The following NKAIN3 variants were observed in gnomAD, a reference collection of about 807,000 sequenced individuals.
NKAIN3 encodes the protein sodium/potassium transporting ATPase interacting 3.
A neutral mutation model predicts 30.2 loss-of-function variants in NKAIN3; 25 were observed. The observed-to-expected ratio is 0.83, with a 90% CI of 0.60 to 1.16. The LOEUF (loss-of-function observed/expected upper bound fraction) is 1.16, where lower values mean the gene tolerates loss of function less well. NKAIN3 is among the 50% of genes most tolerant of loss of function. NKAIN3 has a pLI of 0.00. For missense variants in NKAIN3, 225 were observed against 254.1 expected, an observed-to-expected ratio of 0.89 and a Z score of 0.78; for synonymous variants, 91 against 89.6, an observed-to-expected ratio of 1.02 and a Z score of -0.09.
rs2130910751 is a variant in NKAIN3, at chr8:62,967,228, G to A, written c.*1821G>A. On this transcript the variant is annotated 3_prime_UTR_variant, in exon 7 of 7. Transcript: ENST00000623646. ...TCCAGAGCCTGTATCTGTACACAGG[G>A]GCAAGAGCCATAGCCAGTGGACAGA... is the stretch of plus-strand genomic sequence containing the variant. Among the ~76,000 whole-genome samples, 1 of 152,226 alleles carries A rather than the reference G, an allele frequency of 6.6e-6. No individual in the cohort carries two copies. Among genetic ancestry groups the A allele is most frequent in the African/African-American group, 2.4e-5 (1 of 41,534 alleles).
chr8:62,468,218 A>G (rs746986573), intron 1 of NKAIN3, among the ~76,000 whole-genome samples: 2 of 152,232 alleles, frequency 1.3e-5, no homozygotes, highest in Non-Finnish European at 2.9e-5. Context: ...CTAATGCAAC[A>G]ATAATGTTAA....
At chr8:62,759,250 A>C (rs1390268342) in intron 4 of NKAIN3, among the ~76,000 whole-genome samples, 3 of 152,160 alleles carry the variant, frequency 2.0e-5, no homozygotes. Context: ...TGTTCTGGAG[A>C]TCTAAATAAA....
chr8:62,831,809 T>C (rs973340198), intron 4 of NKAIN3, among the ~76,000 whole-genome samples: 18 of 152,132 alleles, frequency 1.2e-4, no homozygotes, highest in Non-Finnish European at 2.5e-4. Context: ...AATAATTCAA[T>C]AAAATTTCCT....
At chr8:62,861,591 C>T (rs1448183515) in intron 4 of NKAIN3, among the ~76,000 whole-genome samples, 2 of 152,176 alleles carry the variant, frequency 1.3e-5, no homozygotes, top group African/African-American at 4.8e-5. Flanking sequence ...ACACAGAAAT[C>T]CCAGGACTTT....
chr8:62,558,664 G>GT (rs142581960), intron 1 of NKAIN3, among the ~76,000 whole-genome samples: 5 of 151,614 alleles, frequency 3.3e-5, no homozygotes, highest in Admixed American at 1.3e-4. Flanking sequence ...TTTCTCTATT[G>GT]TTTTTTTGTT....
rs779856187 is a variant in NKAIN3 at position 62,966,112 on chromosome 8, G to A, written c.*705G>A. ...CCTTTCCCCTTTGGAGGGAATATGG[G>A]TGTCTCTGAGGTCCATATTTTCTAC... On this transcript the variant is annotated 3_prime_UTR_variant, in exon 7 of 7. Transcript: ENST00000623646. 18 of 984,510 alleles carry A rather than the reference G, an allele frequency of 1.8e-5. No homozygotes were observed. Among genetic ancestry groups the A allele is most frequent in the Non-Finnish European group, 2.2e-5 (18 of 829,130 alleles). 61.0% of individuals were successfully genotyped at this position (984,510 alleles called of 1,614,324 possible).
intron 1 of NKAIN3, among the ~76,000 whole-genome samples, chr8:62,568,343 G>T (rs1809820783): frequency 6.6e-6 from 1 of 152,094 alleles, no homozygotes; most frequent in Non-Finnish European, 1.5e-5. Flanking sequence ...CATCAGATTA[G>T]ATTAATAAAT....
chr8:62,478,967 T>G (rs1173931554), intron 1 of NKAIN3, among the ~76,000 whole-genome samples: 1 of 152,158 alleles, frequency 6.6e-6, no homozygotes, highest in Non-Finnish European at 1.5e-5. Context: ...TGTAGAGCTC[T>G]CAGCATAAAG....
At chr8:62,629,772 C>T (rs966705664) in intron 3 of NKAIN3, among the ~76,000 whole-genome samples, 1 of 152,108 alleles carries the variant, frequency 6.6e-6, no homozygotes, top group Non-Finnish European at 1.5e-5. Flanking sequence ...CTTTTTTAGA[C>T]TGGTAAATAC....
At chr8:62,724,569 A>G (rs948523744) in intron 3 of NKAIN3, among the ~76,000 whole-genome samples, 6 of 152,048 alleles carry the variant, frequency 3.9e-5, no homozygotes, top group Non-Finnish European at 7.4e-5. Flanking sequence ...ATTCTACTCT[A>G]TATCCTAATG....
rs548502455 is a variant in NKAIN3 at position 62,438,100 on chromosome 8, C to T, written c.55-141439C>T. ...TGGGTCCCATGAGCAATGCGCAGAGCGGGGCAGCTGTGCAGCTTCCAAGAG... is the reference window on the plus strand; with the variant it reads ...TGGGTCCCATGAGCAATGCGCAGAGTGGGGCAGCTGTGCAGCTTCCAAGAG... On this transcript the variant is annotated intron_variant, in intron 1 of 6. Coordinates refer to ENST00000623646, the MANE Select transcript of NKAIN3 (RefSeq NM_001304533.3). Among the ~76,000 whole-genome samples the T allele has an allele frequency of 2.0e-5, 3 of 152,278 alleles. No homozygotes were observed. The East Asian group carries it at 5.8e-4, about 29-fold the overall frequency.
At chr8:62,622,620 T>C (rs1429623772) in intron 3 of NKAIN3, among the ~76,000 whole-genome samples, 3 of 152,106 alleles carry the variant, frequency 2.0e-5, no homozygotes, top group African/African-American at 7.2e-5. Flanking sequence ...AATTGGATTA[T>C]TTGGTTCTTT....
chr8:62,767,546 T>A (rs1005019935), intron 4 of NKAIN3, among the ~76,000 whole-genome samples: 3 of 152,204 alleles, frequency 2.0e-5, no homozygotes, highest in Non-Finnish European at 4.4e-5. Context: ...ACTCTTTTTT[T>A]TTTCTTAAAT....
rs564919833 is a variant in NKAIN3 at position 62,923,316 on chromosome 8, C to T, written c.532+4803C>T. 9.0e-4 allele frequency among the ~76,000 whole-genome samples: 137 copies of T among 151,500 alleles called. 1 individual carries two copies. In the South Asian group the frequency reaches 0.017, roughly 19 times the overall value. On this transcript the variant is annotated intron_variant, in intron 5 of 6. Coordinates refer to ENST00000623646, the MANE Select transcript of NKAIN3 (RefSeq NM_001304533.3). Reference sequence around the variant, plus strand: ...CTCCAGCCTGGCTGACAGAGGGAGACGCTGTCTCAAAAAAAAAATAAGAAA... The same window carrying T: ...CTCCAGCCTGGCTGACAGAGGGAGATGCTGTCTCAAAAAAAAAATAAGAAA...
At chr8:62,868,358 G>A (rs976269188) in intron 4 of NKAIN3, among the ~76,000 whole-genome samples, 1 of 110,680 alleles carries the variant, frequency 9.0e-6, no homozygotes, top group African/African-American at 3.6e-5. Flanking sequence ...TTTTTTCCTT[G>A]TGACCTGGTA....
intron 4 of NKAIN3, among the ~76,000 whole-genome samples, chr8:62,883,825 C>T (rs956761650): frequency 2.0e-5 from 3 of 151,824 alleles, no homozygotes; most frequent in African/African-American, 7.3e-5. Context: ...AAAGTTGAAA[C>T]TTAGATTATT....
intron 4 of NKAIN3, among the ~76,000 whole-genome samples, chr8:62,850,607 T>C (rs1819863302): frequency 6.6e-6 from 1 of 152,126 alleles, no homozygotes; most frequent in Non-Finnish European, 1.5e-5. Context: ...TTTAAGTCTA[T>C]AATCCATCTT....
chr8:62,586,333 G>C (rs572922767), intron 2 of NKAIN3, among the ~76,000 whole-genome samples: 6 of 152,096 alleles, frequency 3.9e-5, no homozygotes, highest in African/African-American at 1.4e-4. Flanking sequence ...TGGGATGTTT[G>C]TTTGCTTTCC....
chr8:62,357,737 G>A (rs141401137), intron 1 of NKAIN3, among the ~76,000 whole-genome samples: 4 of 152,116 alleles, frequency 2.6e-5, no homozygotes, highest in Non-Finnish European at 2.9e-5. Context: ...CCTCTCCTGA[G>A]CCCCCAACCC....
Sources: gnomAD v4.1 joint callset for allele counts (sites outside exome capture counted in the v4.1 genomes callset) on GRCh38, gnomAD v4.1.1 for gene constraint, MANE v1.5 for transcripts, NCBI Gene and HGNC (gene_info 2026-07-23, HGNC 2026-07-21) for gene names.